Variants in TMEFF1 observed in about 807,000 individuals in gnomAD.
The protein encoded by TMEFF1 is tomoregulin-1.
Under a neutral mutation model 47.5 loss-of-function variants are expected in TMEFF1, and 20 were observed. The ratio of observed to expected loss-of-function variants is 0.42; its 90% confidence interval spans 0.30 to 0.61. The LOEUF (loss-of-function observed/expected upper bound fraction) is 0.61, where lower values mean the gene tolerates loss of function less well. Ranked by LOEUF, TMEFF1 falls within the 20% of genes least tolerant of loss-of-function variation. The pLI, the probability that TMEFF1 is intolerant of heterozygous loss-of-function variation, is 0.19. For missense variants in TMEFF1, 411 were observed against 471.1 expected, an observed-to-expected ratio of 0.87 and a Z score of 1.18; for synonymous variants, 162 against 166.3, an observed-to-expected ratio of 0.97 and a Z score of 0.20.
intron 6 of TMEFF1, 87 bp from the exon 7 acceptor site, chr9:100,550,008 C>A (rs2274882): frequency 0.18 from 256,098 of 1,459,832 alleles, 24,019 homozygotes; most frequent in South Asian, 0.29. Context: ...TTAAGAAGAA[C>A]TTGGAATAAT....
At chr9:100,544,958 C>T (rs901278030) in intron 5 of TMEFF1, among the ~76,000 whole-genome samples, 2 of 152,328 alleles carry the variant, frequency 1.3e-5, no homozygotes, top group South Asian at 4.1e-4. Context: ...GGTGGGTTCC[C>T]ATGGTCTTGG....
intron 5 of TMEFF1, among the ~76,000 whole-genome samples, chr9:100,522,629 G>T (rs1446494829): frequency 1.3e-5 from 2 of 151,664 alleles, no homozygotes; most frequent in Non-Finnish European, 2.9e-5. Flanking sequence ...TAGAGATGGG[G>T]TTTCACCATC....
At chr9:100,575,273 A>G (rs1839329236) in intron 9 of TMEFF1, among the ~76,000 whole-genome samples, 1 of 152,090 alleles carries the variant, frequency 6.6e-6, no homozygotes, top group African/African-American at 2.4e-5. Context: ...GCATGAGTCA[A>G]TTTTTCTTTT....
At chr9:100,501,447 T>C (rs546855798) in intron 2 of TMEFF1, among the ~76,000 whole-genome samples, 121 of 152,288 alleles carry the variant, frequency 7.9e-4, no homozygotes, top group Non-Finnish European at 1.3e-3. Flanking sequence ...TAATATTTCA[T>C]ATTCTGTGTC....
At chr9:100,553,133 A>G (rs1039474736) in intron 7 of TMEFF1, among the ~76,000 whole-genome samples, 1 of 152,180 alleles carries the variant, frequency 6.6e-6, no homozygotes, top group Non-Finnish European at 1.5e-5. Flanking sequence ...ATGAGAAGAC[A>G]AGGACTAAAC....
At chr9:100,498,984 G>A (rs1436134457) in intron 2 of TMEFF1, 110 bp downstream of exon 2, 3 of 1,142,808 alleles carry the variant, frequency 2.6e-6, no homozygotes, top group Non-Finnish European at 3.7e-6. Context: ...AAGAAATTGG[G>A]GTCACAGCCC....
chr9:100,525,184 A>G (rs575946953), intron 5 of TMEFF1, among the ~76,000 whole-genome samples: 13 of 152,222 alleles, frequency 8.5e-5, no homozygotes, highest in Admixed American at 6.5e-4. Flanking sequence ...TCGATTTTCC[A>G]ACTCTCTGAC....
intron 7 of TMEFF1, 25 bp from the exon 8 acceptor site, chr9:100,561,372 A>T (rs990784479): frequency 1.2e-6 from 2 of 1,600,056 alleles, no homozygotes; most frequent in Non-Finnish European, 1.7e-6. Context: ...TCATTGTTGA[A>T]CGATCTGGTT....
rs368495963 is a variant in TMEFF1 at position 100,550,049 on chromosome 9, T to G, written c.710-46T>G. On this transcript the variant is annotated intron_variant, in intron 6 of 9. Coordinates refer to ENST00000374879, the MANE Select transcript of TMEFF1 (RefSeq NM_003692.5). ...ATTATTGGGAGTATCATGATATGACTTAACCATTGTATATATTTTAATTTG... is the reference window on the plus strand; with the variant it reads ...ATTATTGGGAGTATCATGATATGACGTAACCATTGTATATATTTTAATTTG... 1.7e-5 allele frequency: 27 copies of G among 1,586,030 alleles called. No homozygotes were observed. In the East Asian group the frequency reaches 3.4e-4, roughly 20 times the overall value.
Position 100,473,525 on chromosome 9 carries a change from G to A in TMEFF1, c.-20G>A. 1 of 1,407,540 alleles carries A rather than the reference G, an allele frequency of 7.1e-7. No homozygotes were observed. The allele number at this position is 1,407,540 out of a possible 1,614,324, so 87.2% of individuals were successfully genotyped here. A position where few individuals can be genotyped will look rare whatever the true frequency, so the allele number is the denominator to read the frequency against. ...CGGCCTGCGGCTCCCTGCGCTTCCC[G>A]CCGTCCAGGGGCACCAGTCATGGGC... On this transcript the variant is annotated 5_prime_UTR_variant, in exon 1 of 10. Transcript: ENST00000374879. This position sits in a 1 kb window ranked among gnomAD's most constrained non-coding sequence, Gnocchi z 5.4.
chr9:100,477,919 G>A (rs1216364998), intron 1 of TMEFF1, among the ~76,000 whole-genome samples: 1 of 152,052 alleles, frequency 6.6e-6, no homozygotes, highest in Non-Finnish European at 1.5e-5. Context: ...GAGCCACTGC[G>A]CCCGGCCTGC....
At chr9:100,569,238 A>G (rs906422632) in intron 8 of TMEFF1, among the ~76,000 whole-genome samples, 2 of 152,286 alleles carry the variant, frequency 1.3e-5, no homozygotes, top group African/African-American at 4.8e-5. Flanking sequence ...GATTTAGGCT[A>G]TCGTAGTAAC....
At chr9:100,531,843 C>T (rs572976048) in intron 5 of TMEFF1, among the ~76,000 whole-genome samples, 69 of 152,234 alleles carry the variant, frequency 4.5e-4, no homozygotes, top group African/African-American at 1.5e-3. Context: ...TCAAACTATA[C>T]TACAAGGCTA....
intron 1 of TMEFF1, among the ~76,000 whole-genome samples, chr9:100,481,231 C>A (rs145957218): frequency 6.6e-6 from 1 of 152,190 alleles, no homozygotes; most frequent in Non-Finnish European, 1.5e-5. Flanking sequence ...ATACGTTTTA[C>A]TTGTTTTCTG....
At chr9:100,476,882 G>A (rs1837242132) in intron 1 of TMEFF1, among the ~76,000 whole-genome samples, 1 of 151,840 alleles carries the variant, frequency 6.6e-6, no homozygotes. Flanking sequence ...ATTTTTAGTA[G>A]AGATGGGGTT....
chr9:100,550,464 C>T (rs1838811969), intron 7 of TMEFF1, among the ~76,000 whole-genome samples: 1 of 152,206 alleles, frequency 6.6e-6, no homozygotes, highest in African/African-American at 2.4e-5. Flanking sequence ...ATCCTCTTTA[C>T]TCCTCTAGAA....
intron 7 of TMEFF1, among the ~76,000 whole-genome samples, chr9:100,554,483 C>G (rs1838880757): frequency 6.6e-6 from 1 of 151,696 alleles, no homozygotes; most frequent in Admixed American, 6.6e-5. Context: ...AGTAATGTGG[C>G]CTTGGTACAT....
At chr9:100,490,836 G>GGTGTGTGTGTGT (rs10654628) in intron 1 of TMEFF1, among the ~76,000 whole-genome samples, 87 of 136,120 alleles carry the variant, frequency 6.4e-4, no homozygotes, top group Non-Finnish European at 7.9e-4. Context: ...TTATATGTAT[G>GGTGTGTGTGTGT]GTGTGTGTGT....
At chr9:100,543,216 C>T (rs1838666937) in intron 5 of TMEFF1, among the ~76,000 whole-genome samples, 1 of 152,202 alleles carries the variant, frequency 6.6e-6, no homozygotes, top group African/African-American at 2.4e-5. Flanking sequence ...GGGTGAGCCA[C>T]TGCGCCCAGC....
Sources: gnomAD v4.1 joint callset for allele counts (sites outside exome capture counted in the v4.1 genomes callset) on GRCh38, gnomAD v4.1.1 for gene constraint, Gnocchi (gnomAD v3.1) non-coding constraint, MANE v1.5 for transcripts, NCBI Gene and HGNC (gene_info 2026-07-23, HGNC 2026-07-21) for gene names.